The following PHAF1 variants were observed in gnomAD, a reference collection of about 807,000 sequenced individuals.
PHAF1 encodes the protein phagophore assembly factor 1.
A neutral mutation model predicts 63.1 loss-of-function variants in PHAF1; 23 were observed. The ratio of observed to expected loss-of-function variants is 0.36; its 90% CI spans 0.26 to 0.52. The LOEUF (loss-of-function observed/expected upper bound fraction) is 0.52. PHAF1 is among the 20% of genes least tolerant of loss of function. PHAF1 has a pLI of 0.93. For missense variants in PHAF1, 427 were observed against 517.2 expected (o/e 0.83, Z 1.69); for synonymous variants, 167 against 185.0 (o/e 0.90, Z 0.79).
intron 8 of PHAF1, chr16:67,135,534 G>A (rs1368764080): frequency 6.6e-6 from 1 of 152,248 alleles, no homozygotes; most frequent in Admixed American, 6.6e-5. Flanking sequence ...CTGTAGTGCA[G>A]TGGTGCAATC....
rs754518432 is a variant in PHAF1 at position 67,134,156 on chromosome 16, C to T, written c.451-12C>T. 3 of 1,610,410 alleles carry T rather than the reference C, an allele frequency of 1.9e-6. No homozygotes were observed. The highest frequency in any genetic ancestry group is 2.5e-6 in the Non-Finnish European group (3 of 1,177,016). Reference sequence around the variant, plus strand: ...TTGTGCCCTAAGTAAAACTCTTGACCTTTGTTTGCAGCCCAATTTTGCCCA... The same window carrying T: ...TTGTGCCCTAAGTAAAACTCTTGACTTTTGTTTGCAGCCCAATTTTGCCCA... On this transcript the variant is annotated splice_polypyrimidine_tract_variant and intron_variant, in intron 6 of 15. Coordinates refer to ENST00000219139, the MANE Select transcript of PHAF1 (RefSeq NM_025187.5).
intron 8 of PHAF1, chr16:67,135,778 C>G (rs1446587731): frequency 6.6e-6 from 1 of 152,002 alleles, no homozygotes; most frequent in East Asian, 1.9e-4. Context: ...AGCTTTTCTC[C>G]CTATATTATC....
In PHAF1 at chr16:67,132,810, C is replaced by G. The variant is rs201455515; in HGVS notation, c.356-7C>G. ...CATGTTATTTTCTTCTCCCCCACCC[C>G]CAACAGTGTACAACTCCGCTGAGCA... On this transcript the variant is annotated splice_polypyrimidine_tract_variant and splice_region_variant and intron_variant, in intron 5 of 15. Coordinates refer to ENST00000219139, the MANE Select transcript of PHAF1 (RefSeq NM_025187.5). 1.3e-5 allele frequency: 21 copies of G among 1,605,902 alleles called. No individual in the cohort carries two copies. The Middle Eastern group carries it at 1.2e-3, about 89-fold the overall frequency.
chr16:67,146,383 T>G, intron 15 of PHAF1, 33 bp downstream of exon 15: 1 of 1,597,116 alleles, frequency 6.3e-7, no homozygotes, highest in South Asian at 1.1e-5. Flanking sequence ...ATAAACTGCC[T>G]GGGGGGTTGC....
At chr16:67,140,273 A>G (rs772355955) in intron 9 of PHAF1, among the ~76,000 whole-genome samples, 156 bp downstream of exon 9, 27 of 152,172 alleles carry the variant, frequency 1.8e-4, no homozygotes, top group Non-Finnish European at 8.8e-5. Context: ...TAGTCCAATT[A>G]CCCTGACTCT....
rs145437033 is a variant in PHAF1 at position 67,114,435 on chromosome 16, A to G, written c.64+4196A>G. On this transcript the variant is annotated intron_variant, in intron 1 of 15. Coordinates refer to ENST00000219139, the MANE Select transcript of PHAF1 (RefSeq NM_025187.5). ...GATTATAGAAATAGTTCCTTTTATT[A>G]TAATCAAGTAGAAGATGTATAGGGT... 3.0e-4 allele frequency among the ~76,000 whole-genome samples: 45 copies of G among 152,154 alleles called. 1 individual carries two copies. In the East Asian group the frequency reaches 8.7e-3, roughly 29 times the overall value.
At chr16:67,117,854 C>A (rs1291077414) in intron 1 of PHAF1, among the ~76,000 whole-genome samples, 1 of 151,100 alleles carries the variant, frequency 6.6e-6, no homozygotes, top group African/African-American at 2.4e-5. Context: ...GCTCTGTCAC[C>A]CAGGCCAGAG....
Position 67,145,551 on chromosome 16 carries a change from C to T in PHAF1, c.1051-19C>T. On this transcript the variant is annotated intron_variant, in intron 13 of 15. Transcript: ENST00000219139. ...TTCATGTCCCTACTAACCCCTGCTC[C>T]CCTCTATCCCTCTTGCAGTGGGACA... 1.2e-6 allele frequency: 2 copies of T among 1,614,038 alleles called. No homozygotes were observed. Among genetic ancestry groups the T allele is most frequent in the East Asian group, 2.2e-5 (1 of 44,872 alleles).
chr16:67,145,380 C>T lies in PHAF1; in HGVS notation c.1011C>T (p.Asn337=), dbSNP rs111855351. 6.2e-6 allele frequency: 10 copies of T among 1,614,024 alleles called. No homozygotes were observed. The highest frequency in any genetic ancestry group is 4.0e-5 in the African/African-American group (3 of 74,924). The stretch of plus-strand genomic sequence containing the variant: ...CCCACTGTCTTCTCTTTTCAGAAAA[C>T]GCAGATGGTCAGACAGAAACATGCA... ...FKIPLAIKKE[N]ADGQTETCTT... Residue 337 remains asparagine, a synonymous_variant, in exon 13 of 16, where the codon AAC becomes AAT. Transcript: ENST00000219139.
At chr16:67,133,696 C>T (rs58231538) in intron 6 of PHAF1, among the ~76,000 whole-genome samples, 5,501 of 151,086 alleles carry the variant, frequency 0.036, 147 homozygotes, top group South Asian at 0.078. Flanking sequence ...AGGAGAATGG[C>T]GTGAACCCGG....
At chr16:67,135,758 C>T (rs953922215) in intron 8 of PHAF1, 1 of 152,114 alleles carries the variant, frequency 6.6e-6, no homozygotes, top group African/African-American at 2.4e-5. Flanking sequence ...AGGTGCAAGC[C>T]GCTACACCCA....
chr16:67,144,224 T>C, intron 10 of PHAF1, 70 bp from the exon 11 acceptor site: 1 of 1,125,456 alleles, frequency 8.9e-7, no homozygotes, highest in Non-Finnish European at 1.3e-6. Context: ...AAGTTGGACA[T>C]GCCTTTGGAA....
At position 67,134,208 on chromosome 16, in the gene PHAF1, A is replaced by G. The variant is rs2145868877; in HGVS notation, c.491A>G (p.His164Arg). ...AHGLASLQIPHGATVKRMYIY... is the reference protein window; with the variant it reads ...AHGLASLQIPRGATVKRMYIY... ...GGCCTGGCTTCTCTCCAGATACCCC[A>G]TGGAGCAACTGTAAAACGAATGTAC... The change falls in exon 7 of 16, where the codon CAT (histidine) becomes CGT (arginine). Residue 164 changes from histidine to arginine, a missense_variant. By Grantham distance (29) the His-to-Arg change is conservative. Coordinates refer to ENST00000219139, the MANE Select transcript of PHAF1 (RefSeq NM_025187.5). The G allele has an allele frequency of 1.9e-6, 3 of 1,614,116 alleles. No homozygotes were observed. The highest frequency in any genetic ancestry group is 2.5e-6 in the Non-Finnish European group (3 of 1,179,994).
Position 67,120,170 on chromosome 16 carries a change from C to T in PHAF1, c.123C>T (p.Asn41=), listed in dbSNP as rs763618795. The change falls in exon 2 of 16, where the codon AAC becomes AAT. Residue 41 remains asparagine, a synonymous_variant. Transcript: ENST00000219139. ...ILQKHCRIIK[N]VQVLYSEQSP... is the part of the protein sequence containing the mutation. ...AGAAGCACTGTCGCATCATCAAAAA[C>T]GTCCAGGTTCTCTACAGTGAACAGG... 8.1e-6 allele frequency: 13 copies of T among 1,613,972 alleles called. No individual in the cohort carries two copies. Among genetic ancestry groups the T allele is most frequent in the South Asian group, 2.2e-5 (2 of 91,080 alleles).
In PHAF1 at chr16:67,147,759, T is replaced by TG. The variant is rs2030225903; in HGVS notation, c.*630dup. 6.5e-6 allele frequency: 1 copy of TG among 152,888 alleles called. No homozygotes were observed. Among genetic ancestry groups the TG allele is most frequent in the African/African-American group, 2.4e-5 (1 of 41,478 alleles). 9.5% of individuals were successfully genotyped at this position (152,888 alleles called of 1,614,324 possible). ...GCCCAGGCCTGGTTCTCACCCCTGT[T>TG]GGAGTCAGCTTTCAAGATTGCCTGT... On this transcript the variant is annotated 3_prime_UTR_variant, in exon 16 of 16. Transcript: ENST00000219139.
At position 67,143,055 on chromosome 16, in the gene PHAF1, G is replaced by A. The variant is rs1192603927; in HGVS notation, c.880-1239G>A. Among the ~76,000 whole-genome samples the A allele has an allele frequency of 5.9e-5, 9 of 152,258 alleles. 1 individual carries two copies. Among genetic ancestry groups the A allele is most frequent in the East Asian group, 3.9e-4 (2 of 5,186 alleles). On this transcript the variant is annotated intron_variant, in intron 10 of 15. Transcript: ENST00000219139. ...AAGCAGCTGGATGGATATGAAGCTG[G>A]AAAGGGTAGGGGATAGGAGGGAAGT...
chr16:67,145,302 G>A, intron 12 of PHAF1, 74 bp from the exon 13 acceptor site: 6 of 1,543,936 alleles, frequency 3.9e-6, no homozygotes, highest in Non-Finnish European at 5.3e-6. Flanking sequence ...CACCAGGTCT[G>A]GTTCCTACCT....
At chr16:67,124,901 C>CA (rs573637159) in intron 2 of PHAF1, among the ~76,000 whole-genome samples, 291 of 106,620 alleles carry the variant, frequency 2.7e-3, no homozygotes, top group East Asian at 6.2e-3. Context: ...AGACTTCATC[C>CA]AAAAAAAAAA....
chr16:67,139,735 A>T lies in PHAF1; in HGVS notation c.662-249A>T, dbSNP rs142728036. 1,021 of 491,672 alleles carry T rather than the reference A, an allele frequency of 2.1e-3. 2 individuals are homozygous for T. Among genetic ancestry groups the T allele is most frequent in the Middle Eastern group, 2.7e-3 (5 of 1,878 alleles). The allele number at this position is 491,672 out of a possible 1,614,324, so 30.5% of individuals were successfully genotyped here. Reference sequence around the variant, plus strand: ...ATGGTAGGCAATAAAGTAGTGAATGAATAAGTGAATGAAGTATCCAGAGCT... The same window carrying T: ...ATGGTAGGCAATAAAGTAGTGAATGTATAAGTGAATGAAGTATCCAGAGCT... On this transcript the variant is annotated intron_variant, in intron 8 of 15. Transcript: ENST00000219139.
Sources: allele counts gnomAD v4.1 joint callset (sites outside exome capture counted in the v4.1 genomes callset), GRCh38; gene constraint gnomAD v4.1.1; transcripts MANE v1.5; gene names NCBI Gene and HGNC (gene_info 2026-07-23, HGNC 2026-07-21).